Variants in CUX1 observed in about 807,000 individuals in gnomAD.
CUX1 encodes the protein protein CASP.
CUX1 carries 31 observed loss-of-function variants against 158.8 expected under a neutral mutation model. That is an observed-to-expected ratio of 0.20 (90% confidence interval 0.15 to 0.26). The LOEUF is 0.26. Among genes scored for constraint, CUX1 ranks in the 10% least tolerant of loss-of-function variants. The pLI is 1.00. For synonymous variants in CUX1, 879 were observed against 862.1 expected, an observed-to-expected ratio of 1.02 and a Z score of -0.34; for missense variants, 1,589 against 2,014.6, an observed-to-expected ratio of 0.79 and a Z score of 4.04.
intron 8 of CUX1, among the ~76,000 whole-genome samples, chr7:102,130,967 GAT>G (rs1270367799): frequency 6.6e-6 from 1 of 151,782 alleles, no homozygotes; most frequent in East Asian, 2.0e-4. Context: ...TGGCCAACAT[GAT>G]GAAACCCTGT....
In CUX1 at chr7:102,170,668, T is replaced by C. The variant is rs901543548; in HGVS notation, c.828+118T>C. On this transcript the variant is annotated intron_variant, in intron 10 of 23. Coordinates refer to ENST00000292535, the MANE Select transcript of CUX1 (RefSeq NM_181552.4). The stretch of plus-strand genomic sequence containing the variant: ...TTTTTGGGAATCACGTTTTAACTAG[T>C]ACTGCTTTCTCGGTGGGGTTTGCTT... The C allele has an allele frequency of 3.1e-5, 21 of 671,404 alleles. No individual in the cohort carries two copies. In the East Asian group the frequency reaches 5.4e-4, roughly 17 times the overall value. 41.6% of individuals were successfully genotyped at this position (671,404 alleles called of 1,614,324 possible).
chr7:101,817,603 C>G (rs996713053), upstream of CUX1: 5 of 1,535,724 alleles, frequency 3.3e-6, no homozygotes, highest in Admixed American at 8.2e-5. The surrounding 1 kb of genome is among the most constrained non-coding windows in gnomAD (Gnocchi z 4.1). Context: ...GCTCGGCGCC[C>G]GCGGCGCCGG....
intron 2 of CUX1, among the ~76,000 whole-genome samples, chr7:101,978,853 C>T (rs1813054918): frequency 1.3e-5 from 2 of 152,204 alleles, no homozygotes; most frequent in South Asian, 2.1e-4. Context: ...CTACCTTTCC[C>T]TCCTAGAATG....
intron 2 of CUX1, among the ~76,000 whole-genome samples, chr7:102,026,170 C>A (rs573643655): frequency 6.6e-6 from 1 of 152,146 alleles, no homozygotes; most frequent in African/African-American, 2.4e-5. Flanking sequence ...CAGAGCAAGA[C>A]CCTGTCTCAA....
intron 6 of CUX1, among the ~76,000 whole-genome samples, chr7:102,111,450 T>C (rs1830871227): frequency 6.6e-6 from 1 of 152,206 alleles, no homozygotes; most frequent in Non-Finnish European, 1.5e-5. Flanking sequence ...GATAACCTTC[T>C]ACGCCAGTTA....
intron 8 of CUX1, among the ~76,000 whole-genome samples, chr7:102,139,396 A>T (rs1554499613): frequency 6.6e-6 from 1 of 152,324 alleles, no homozygotes; most frequent in African/African-American, 2.4e-5. Flanking sequence ...GTATTGATAC[A>T]TTGATGATCA....
rs782772221 is a variant in CUX1 at position 102,196,881 on chromosome 7, G to A, written c.1470G>A (p.Gln490=). Residue 490 remains glutamine (Q), a synonymous_variant, in exon 15 of 24, where the codon CAG becomes CAA. Transcript: ENST00000292535. The part of the protein sequence containing the change: ...LNSLLQRQLM[Q]SFYSKAMQEA... Reference sequence around the variant, plus strand: ...CTCTTCTCCAGCGGCAGCTAATGCAGTCCTTCTACTCCAAGGCTATGCAGG... The same window carrying A: ...CTCTTCTCCAGCGGCAGCTAATGCAATCCTTCTACTCCAAGGCTATGCAGG... 3.1e-6 allele frequency: 5 copies of A among 1,614,196 alleles called. No homozygotes were observed. The Admixed American group carries it at 8.3e-5, about 27-fold the overall frequency.
At chr7:102,059,318 C>G (rs567303732) in intron 3 of CUX1, among the ~76,000 whole-genome samples, 8 of 152,296 alleles carry the variant, frequency 5.3e-5, no homozygotes, top group South Asian at 2.1e-4. Context: ...TTCGGGGCCT[C>G]TCTAGTTTTC....
At chr7:102,187,276 C>T (rs1793728475) in intron 11 of CUX1, among the ~76,000 whole-genome samples, 2 of 152,032 alleles carry the variant, frequency 1.3e-5, no homozygotes, top group South Asian at 4.1e-4. Context: ...AGGAGGATCA[C>T]TTGAGCCCAG....
intron 8 of CUX1, among the ~76,000 whole-genome samples, chr7:102,121,666 G>A (rs1235334218): frequency 6.6e-6 from 1 of 152,106 alleles, no homozygotes; most frequent in Non-Finnish European, 1.5e-5. Context: ...ATACTGTTCT[G>A]GACTATTTCA....
At chr7:102,244,658 C>G (rs1174497505) in intron 23 of CUX1, among the ~76,000 whole-genome samples, 1 of 152,116 alleles carries the variant, frequency 6.6e-6, no homozygotes, top group Non-Finnish European at 1.5e-5. Context: ...CCATTGCACT[C>G]CAGCCTGGGG....
chr7:102,029,818 T>G (rs1479956927), intron 3 of CUX1, among the ~76,000 whole-genome samples: 1 of 152,194 alleles, frequency 6.6e-6, no homozygotes, highest in Non-Finnish European at 1.5e-5. Context: ...GTGAGGCTGT[T>G]ACCTGACACC....
chr7:102,280,893 G>A lies in CUX1; in HGVS notation c.1821+33G>A, dbSNP rs1283946785. 12 of 1,599,042 alleles carry A rather than the reference G, an allele frequency of 7.5e-6. No individual in the cohort carries two copies. In the African/African-American group the frequency reaches 1.6e-4, roughly 21 times the overall value. The stretch of plus-strand genomic sequence containing the variant: ...CCTGCCCCTACCCACCCCCTCCCTG[G>A]ACAGGCCTGAGCCTCTGTCTCCAGG... On this transcript the variant is annotated intron_variant, in intron 20 of 22. Transcript: ENST00000292538.
intron 2 of CUX1, among the ~76,000 whole-genome samples, chr7:101,999,217 CTTTTTTTTT>C (rs3988167): frequency 3.5e-5 from 3 of 85,834 alleles, no homozygotes; most frequent in Non-Finnish European, 4.1e-5. Flanking sequence ...TTTTTTTTAC[CTTTTTTTTT>C]TTTTTTTTTT....
intron 1 of CUX1, among the ~76,000 whole-genome samples, chr7:101,843,125 C>G (rs544600941): frequency 6.6e-6 from 1 of 152,064 alleles, no homozygotes; most frequent in Non-Finnish European, 1.5e-5. Flanking sequence ...CTCAGCCTCC[C>G]AAAGTGCTGG....
intron 8 of CUX1, among the ~76,000 whole-genome samples, chr7:102,132,680 CTT>C (rs1174779466): frequency 2.6e-5 from 3 of 115,176 alleles, no homozygotes; most frequent in Non-Finnish European, 1.7e-5. Context: ...CTTTGCTTTT[CTT>C]TTTTTTTTTT....
intron 1 of CUX1, among the ~76,000 whole-genome samples, chr7:101,895,910 T>TG (rs1287488693): frequency 2.0e-4 from 22 of 108,970 alleles, no homozygotes; most frequent in Middle Eastern, 3.6e-3. Context: ...TTGTTTTTGT[T>TG]TTTTTTTTTT....
At position 102,104,447 on chromosome 7, in the gene CUX1, C is replaced by T; in HGVS notation, c.518C>T (p.Ala173Val). 6.2e-7 allele frequency: 1 copy of T among 1,612,930 alleles called. No homozygotes were observed. The highest frequency in any genetic ancestry group is 8.5e-7 in the Non-Finnish European group (1 of 1,179,594). The change falls in exon 6 of 24, where the codon GCA (alanine) becomes GTA (valine). Residue 173 changes from alanine (A) to valine (V), a missense_variant. Physicochemically the swap from Ala to Val is moderately conservative, Grantham distance 64 (BLOSUM62 0). This residue lies in a region of CUX1 where 515 missense variants were observed against 574.4 expected (regional missense o/e 0.90). Coordinates refer to ENST00000292535, the MANE Select transcript of CUX1 (RefSeq NM_181552.4). ...EKEQKLQNDF[A>V]EKERKLQETQ... ...GAACAGAAGTTACAGAATGACTTTG[C>T]AGAAAAGGAGAGGTGAGCATGACTT...
intron 1 of CUX1, among the ~76,000 whole-genome samples, chr7:101,885,372 A>C (rs1273891272): frequency 6.6e-6 from 1 of 152,184 alleles, no homozygotes; most frequent in East Asian, 1.9e-4. Context: ...TTAAAGCTAC[A>C]GGAGAGGCAG....
Sources: allele counts gnomAD v4.1 joint callset (sites outside exome capture counted in the v4.1 genomes callset), GRCh38; gene constraint gnomAD v4.1.1; regional missense constraint gnomAD v4.1.1; non-coding constraint Gnocchi (gnomAD v3.1); transcripts MANE v1.5; gene names NCBI Gene and HGNC (gene_info 2026-07-23, HGNC 2026-07-21).